The following KIRREL3 variants were observed in gnomAD, a reference collection of about 807,000 sequenced individuals.
KIRREL3 encodes the protein kin of IRRE-like protein 3.
In KIRREL3, 36 loss-of-function variants were observed where a neutral mutation model predicts 89.7. The ratio of observed to expected loss-of-function variants is 0.40; its 90% CI spans 0.31 to 0.53. The LOEUF (loss-of-function observed/expected upper bound fraction) is 0.53, where lower values mean the gene tolerates loss of function less well. Ranked by LOEUF, KIRREL3 falls within the 20% of genes least tolerant of loss-of-function variation. The probability of loss-of-function intolerance (pLI) is 0.49; values close to 1 mark genes in which losing one functional copy is unlikely to be tolerated. For missense variants in KIRREL3, 864 were observed against 1,056.6 expected, an observed-to-expected ratio of 0.82 and a Z score of 2.53; for synonymous variants, 445 against 441.4, an observed-to-expected ratio of 1.01 and a Z score of -0.10.
At chr11:126,835,791 A>AGG (rs1183318226) in intron 1 of KIRREL3, among the ~76,000 whole-genome samples, 4 of 152,144 alleles carry the variant, frequency 2.6e-5, no homozygotes, top group Admixed American at 2.6e-4. Context: ...TCCTTTGCCT[A>AGG]GGGGATTTGG....
Position 126,849,324 on chromosome 11 carries a change from C to T in KIRREL3, c.55+151131G>A, listed in dbSNP as rs540253767. Among the ~76,000 whole-genome samples, 77 of 152,280 alleles carry T rather than the reference C, an allele frequency of 5.1e-4. No homozygotes were observed. In the Middle Eastern group the frequency reaches 0.01, roughly 20 times the overall value. ...CATGAATAATCCACCCCTTGTTTAGCACATCATCAAGAAATAACCATAAAA... is the reference window on the plus strand; with the variant it reads ...CATGAATAATCCACCCCTTGTTTAGTACATCATCAAGAAATAACCATAAAA... On this transcript the variant is annotated intron_variant, in intron 1 of 16. Transcript: ENST00000525144.
rs970343192 is a variant in KIRREL3, at chr11:126,904,673, A to G, written c.55+95782T>C. On this transcript the variant is annotated intron_variant, in intron 1 of 16. Transcript: ENST00000525144. This position sits in a 1 kb window ranked among gnomAD's most constrained non-coding sequence, Gnocchi z 4.4. ...TACCAAGAACAATCTGTCTCCTGCT[A>G]CAGTTTAGCACAGCTATAGCTTGGG... Among the ~76,000 whole-genome samples the G allele has an allele frequency of 5.9e-5, 9 of 152,242 alleles. No homozygotes were observed. Among genetic ancestry groups the G allele is most frequent in the African/African-American group, 2.2e-4 (9 of 41,466 alleles).
At position 126,989,536 on chromosome 11, in the gene KIRREL3, G is replaced by C. The variant is rs967395925; in HGVS notation, c.55+10919C>G. Among the ~76,000 whole-genome samples, 3 of 152,212 alleles carry C rather than the reference G, an allele frequency of 2.0e-5. No individual in the cohort carries two copies. Among genetic ancestry groups the C allele is most frequent in the African/African-American group, 7.2e-5 (3 of 41,450 alleles). On this transcript the variant is annotated intron_variant, in intron 1 of 16. Coordinates refer to ENST00000525144, the MANE Select transcript of KIRREL3 (RefSeq NM_032531.4). The surrounding 1 kb of genome is among the most constrained non-coding windows in gnomAD (Gnocchi z 6.2). ...CACTCAGGCTGCAGACCAGACAAGG[G>C]AGTGGATTGTTCCCATGGTGGCTGC...
intron 1 of KIRREL3, among the ~76,000 whole-genome samples, chr11:126,862,589 C>T (rs1205485049): frequency 6.6e-6 from 1 of 152,146 alleles, no homozygotes; most frequent in Non-Finnish European, 1.5e-5. Flanking sequence ...AGTGAGAAGC[C>T]CTGATGAATG....
rs1378349191 is a variant in KIRREL3, at chr11:126,891,335, T to C, written c.55+109120A>G. 6.6e-6 allele frequency among the ~76,000 whole-genome samples: 1 copy of C among 152,196 alleles called. No individual in the cohort carries two copies. Among genetic ancestry groups the C allele is most frequent in the African/African-American group, 2.4e-5 (1 of 41,432 alleles). ...ACTCTGATAATGACTTCCCAGAGTT[T>C]CAGACATTGGTGGAAAAAAGATATA... On this transcript the variant is annotated intron_variant, in intron 1 of 16. Coordinates refer to ENST00000525144, the MANE Select transcript of KIRREL3 (RefSeq NM_032531.4). The surrounding 1 kb of genome is among the most constrained non-coding windows in gnomAD (Gnocchi z 5.1).
At chr11:126,524,411 T>C (rs1958687011) in intron 3 of KIRREL3, among the ~76,000 whole-genome samples, 1 of 152,156 alleles carries the variant, frequency 6.6e-6, no homozygotes. Context: ...AACAGGCAGG[T>C]CTCATGTGCT....
rs1455228296 is a variant in KIRREL3, at chr11:126,475,782, T to TG, written c.434-2317dup. ...AGGCGGCTCAGGGCTTTCCACCAAG[T>TG]GGGGGTGGGTGCAACCACTTGTGGA... On this transcript the variant is annotated intron_variant, in intron 4 of 16. Transcript: ENST00000525144. The surrounding 1 kb of genome is among the most constrained non-coding windows in gnomAD (Gnocchi z 7.5). 2.0e-5 allele frequency among the ~76,000 whole-genome samples: 3 copies of TG among 152,046 alleles called. No homozygotes were observed. Among genetic ancestry groups the TG allele is most frequent in the African/African-American group, 4.8e-5 (2 of 41,412 alleles).
At position 126,624,212 on chromosome 11, in the gene KIRREL3, C is replaced by T. The variant is rs543418363; in HGVS notation, c.56-61300G>A. On this transcript the variant is annotated intron_variant, in intron 1 of 16. Transcript: ENST00000525144. The surrounding 1 kb of genome is among the most constrained non-coding windows in gnomAD (Gnocchi z 6.0). The stretch of plus-strand genomic sequence containing the variant: ...AGGGAGCCAGGGGGTGGCGGTGTGG[C>T]GGGGAGGAGGCCAGAATGAAAGATA... Among the ~76,000 whole-genome samples, 12 of 152,038 alleles carry T rather than the reference C, an allele frequency of 7.9e-5. No individual in the cohort carries two copies. The highest frequency in any genetic ancestry group is 1.0e-4 in the Non-Finnish European group (7 of 67,970).
chr11:126,929,802 G>A (rs1209795552), intron 1 of KIRREL3, among the ~76,000 whole-genome samples: 15 of 152,174 alleles, frequency 9.9e-5, no homozygotes, highest in Admixed American at 6.5e-4. Flanking sequence ...GCGATTCCAC[G>A]CTAAACATAA....
At chr11:126,859,455 A>G (rs1168278158) in intron 1 of KIRREL3, among the ~76,000 whole-genome samples, 4 of 152,158 alleles carry the variant, frequency 2.6e-5, no homozygotes, top group African/African-American at 7.2e-5. Context: ...CATTTTATAA[A>G]CAAAGAGCAA....
chr11:126,972,529 C>T (rs912215075), intron 1 of KIRREL3, among the ~76,000 whole-genome samples: 1 of 152,154 alleles, frequency 6.6e-6, no homozygotes, highest in Non-Finnish European at 1.5e-5. Context: ...TTCCTTCCAG[C>T]AGAGCTGGCT....
rs529726198 is a variant in KIRREL3, at chr11:126,811,520, C to T, written c.55+188935G>A. Among the ~76,000 whole-genome samples, 8 of 152,334 alleles carry T rather than the reference C, an allele frequency of 5.3e-5. No homozygotes were observed. The highest frequency in any genetic ancestry group is 2.1e-4 in the South Asian group (1 of 4,824). On this transcript the variant is annotated intron_variant, in intron 1 of 16. Coordinates refer to ENST00000525144, the MANE Select transcript of KIRREL3 (RefSeq NM_032531.4). This position sits in a 1 kb window ranked among gnomAD's most constrained non-coding sequence, Gnocchi z 4.3. ...AATGAATAGGAACCTGTGCATTGGACGGGGACGGTGCCAGCTACAGCTGAC... is the reference window on the plus strand; with the variant it reads ...AATGAATAGGAACCTGTGCATTGGATGGGGACGGTGCCAGCTACAGCTGAC...
Position 126,994,055 on chromosome 11 carries a change from A to G in KIRREL3, c.55+6400T>C, listed in dbSNP as rs1332605448. 6.6e-6 allele frequency among the ~76,000 whole-genome samples: 1 copy of G among 152,050 alleles called. No homozygotes were observed. Among genetic ancestry groups the G allele is most frequent in the East Asian group, 1.9e-4 (1 of 5,186 alleles). The stretch of plus-strand genomic sequence containing the variant: ...TTGCAGTTTTAGTTTCAATTATCAA[A>G]AAAAAAAAATCAGCCTCAGATAAAT... On this transcript the variant is annotated intron_variant, in intron 1 of 16. Coordinates refer to ENST00000525144, the MANE Select transcript of KIRREL3 (RefSeq NM_032531.4). The surrounding 1 kb of genome is among the most constrained non-coding windows in gnomAD (Gnocchi z 5.2).
intron 1 of KIRREL3, among the ~76,000 whole-genome samples, chr11:126,779,584 A>G (rs958643475): frequency 1.3e-5 from 2 of 152,114 alleles, no homozygotes; most frequent in Non-Finnish European, 2.9e-5. Context: ...ATCTCCAGCT[A>G]GGCTGTTTAG....
intron 1 of KIRREL3, among the ~76,000 whole-genome samples, chr11:126,941,237 C>T (rs901809747): frequency 2.6e-5 from 4 of 151,864 alleles, no homozygotes; most frequent in Non-Finnish European, 2.9e-5. Flanking sequence ...TGGCAGTGGC[C>T]CAGCAGTTAT....
Position 126,565,013 on chromosome 11 carries a change from T to G in KIRREL3, c.56-2101A>C, listed in dbSNP as rs943596452. Among the ~76,000 whole-genome samples, 1 of 152,148 alleles carries G rather than the reference T, an allele frequency of 6.6e-6. No homozygotes were observed. Among genetic ancestry groups the G allele is most frequent in the Admixed American group, 6.6e-5 (1 of 15,256 alleles). On this transcript the variant is annotated intron_variant, in intron 1 of 16. Coordinates refer to ENST00000525144, the MANE Select transcript of KIRREL3 (RefSeq NM_032531.4). This position sits in a 1 kb window ranked among gnomAD's most constrained non-coding sequence, Gnocchi z 5.4. ...CCATCTAAAGCACATCAGCAATGGC[T>G]CCTAATGAGAAAGGGAGTTTGGGCT...
chr11:126,608,450 C>T lies in KIRREL3; in HGVS notation c.56-45538G>A, dbSNP rs950613730. ...ACCTTGCTTTTCCACCAGGTTTAGC[C>T]CCTGGTGCCCTTCCTCTGTCTGTGG... On this transcript the variant is annotated intron_variant, in intron 1 of 16. Coordinates refer to ENST00000525144, the MANE Select transcript of KIRREL3 (RefSeq NM_032531.4). The surrounding 1 kb of genome is among the most constrained non-coding windows in gnomAD (Gnocchi z 4.9). Among the ~76,000 whole-genome samples the T allele has an allele frequency of 6.7e-6, 1 of 148,488 alleles. No individual in the cohort carries two copies. The highest frequency in any genetic ancestry group is 6.7e-5 in the Admixed American group (1 of 14,946).
rs1406481384 is a variant in KIRREL3, at chr11:126,576,345, C to G, written c.56-13433G>C. ...TCAGGTTTTTATCTTTGAGTTTATT[C>G]TAATTTCATTCATTCATTCTCATTC... On this transcript the variant is annotated intron_variant, in intron 1 of 16. Transcript: ENST00000525144. This position sits in a 1 kb window ranked among gnomAD's most constrained non-coding sequence, Gnocchi z 5.4. Among the ~76,000 whole-genome samples the G allele has an allele frequency of 6.6e-6, 1 of 152,100 alleles. No individual in the cohort carries two copies. The highest frequency in any genetic ancestry group is 1.5e-5 in the Non-Finnish European group (1 of 68,016).
In KIRREL3 at chr11:126,791,299, G is replaced by A. The variant is rs369366893; in HGVS notation, c.55+209156C>T. The stretch of plus-strand genomic sequence containing the variant: ...TGAGAAATAGTTGAGGTATTAAATC[G>A]TAAAGGGAGGGCAGGTGTTATCATA... On this transcript the variant is annotated intron_variant, in intron 1 of 16. Coordinates refer to ENST00000525144, the MANE Select transcript of KIRREL3 (RefSeq NM_032531.4). This position sits in a 1 kb window ranked among gnomAD's most constrained non-coding sequence, Gnocchi z 4.8. Among the ~76,000 whole-genome samples the A allele has an allele frequency of 3.5e-4, 54 of 152,254 alleles. No individual in the cohort carries two copies. The highest frequency in any genetic ancestry group is 1.3e-3 in the African/African-American group (53 of 41,546).
Sources: gnomAD v4.1 joint callset for allele counts (sites outside exome capture counted in the v4.1 genomes callset) on GRCh38, gnomAD v4.1.1 for gene constraint, Gnocchi (gnomAD v3.1) non-coding constraint, MANE v1.5 for transcripts, NCBI Gene and HGNC (gene_info 2026-07-23, HGNC 2026-07-21) for gene names.